SV2C: variants seen among roughly 807,000 people sequenced by gnomAD.
The protein encoded by SV2C is synaptic vesicle glycoprotein 2C, also known as solute carrier family 22 member B3.
Under a neutral mutation model 79.7 loss-of-function variants are expected in SV2C, and 49 were observed. The observed-to-expected ratio is 0.61, with a 90% CI of 0.49 to 0.78. SV2C has a LOEUF of 0.78. Among genes scored for constraint, SV2C ranks in the 30% least tolerant of loss-of-function variants. The pLI, the probability that SV2C is intolerant of heterozygous loss-of-function variation, is 0.00. For missense variants in SV2C, 833 were observed against 912.9 expected, an observed-to-expected ratio of 0.91 and a Z score of 1.13; for synonymous variants, 334 against 333.2, an observed-to-expected ratio of 1.00 and a Z score of -0.03.
At chr5:76,092,040 TTAAAAATA>T (rs976061973) in intron 1 of SV2C, among the ~76,000 whole-genome samples, 22 of 152,182 alleles carry the variant, frequency 1.4e-4, no homozygotes, top group African/African-American at 5.3e-4. Flanking sequence ...ATGTTGTTAG[TTAAAAATA>T]TAGCAATTTA....
intron 6 of SV2C, among the ~76,000 whole-genome samples, chr5:76,286,090 T>C (rs1250683480): frequency 1.3e-5 from 2 of 152,180 alleles, no homozygotes; most frequent in Admixed American, 6.5e-5. Context: ...CAGAGGGCTG[T>C]TTTTGGCCCA....
chr5:76,261,204 A>G (rs777099046), intron 4 of SV2C, among the ~76,000 whole-genome samples: 2 of 152,026 alleles, frequency 1.3e-5, no homozygotes, highest in Non-Finnish European at 2.9e-5. Flanking sequence ...CTTTGTAGCA[A>G]TTGTGAATGG....
chr5:76,146,342 C>A (rs900846528), intron 2 of SV2C, among the ~76,000 whole-genome samples: 1 of 152,134 alleles, frequency 6.6e-6, no homozygotes, highest in African/African-American at 2.4e-5. Context: ...GGACCAGCCC[C>A]GAGGGCTGCT....
At chr5:76,165,860 G>C (rs1743029576) in intron 2 of SV2C, among the ~76,000 whole-genome samples, 1 of 152,180 alleles carries the variant, frequency 6.6e-6, no homozygotes, top group Admixed American at 6.5e-5. Flanking sequence ...GCAGTACAGA[G>C]CAGAGTGGAA....
chr5:75,864,313 C>CATCA, the SV2C span, among the ~76,000 whole-genome samples: 1 of 82,314 alleles, frequency 1.2e-5, no homozygotes, highest in Non-Finnish European at 2.3e-5. Context: ...AGTGCCACTC[C>CATCA]ATCCATCCAT....
chr5:76,278,947 G>T (rs1396972225), intron 4 of SV2C, among the ~76,000 whole-genome samples: 1 of 152,210 alleles, frequency 6.6e-6, no homozygotes, highest in African/African-American at 2.4e-5. Flanking sequence ...TCAGGGGAAG[G>T]TCCACGTCGG....
At chr5:76,034,766 A>G in the SV2C span, among the ~76,000 whole-genome samples, 1,226 of 152,310 alleles carry the variant, frequency 8.0e-3, 24 homozygotes, top group African/African-American at 0.028. Context: ...GGCCTCATCA[A>G]ATGAGTTAAG....
At chr5:76,034,876 T>G in the SV2C span, among the ~76,000 whole-genome samples, 1 of 152,338 alleles carries the variant, frequency 6.6e-6, no homozygotes, top group African/African-American at 2.4e-5. Context: ...ATCCATCTGG[T>G]CCTGGACTGT....
At chr5:76,137,416 T>C (rs904026448) in intron 2 of SV2C, among the ~76,000 whole-genome samples, 6 of 152,100 alleles carry the variant, frequency 3.9e-5, no homozygotes, top group Non-Finnish European at 8.8e-5. Context: ...AGCCAAGGCA[T>C]TGGGCAGGTA....
the SV2C span, among the ~76,000 whole-genome samples, chr5:75,880,845 TAAAG>T: frequency 1.3e-5 from 2 of 152,214 alleles, no homozygotes; most frequent in Admixed American, 1.3e-4. Flanking sequence ...TGCATTGCTA[TAAAG>T]AAATACCTGA....
chr5:76,321,494 C>T (rs1748828589), intron 12 of SV2C, among the ~76,000 whole-genome samples: 1 of 152,084 alleles, frequency 6.6e-6, no homozygotes, highest in South Asian at 2.1e-4. Context: ...AATCCCAGCA[C>T]TTTGGGAGGC....
chr5:75,939,817 C>T, the SV2C span, among the ~76,000 whole-genome samples: 1 of 152,148 alleles, frequency 6.6e-6, no homozygotes, highest in East Asian at 1.9e-4. Flanking sequence ...TTATTACAGT[C>T]CCTGTGCCTT....
intron 11 of SV2C, among the ~76,000 whole-genome samples, 187 bp from the exon 12 acceptor site, chr5:76,301,199 C>T (rs1190293024): frequency 1.3e-5 from 2 of 152,194 alleles, no homozygotes; most frequent in African/African-American, 4.8e-5. Flanking sequence ...GCATTTCATA[C>T]TTTCTGTGTT....
intron 12 of SV2C, among the ~76,000 whole-genome samples, chr5:76,321,854 T>C (rs1237660112): frequency 2.6e-5 from 4 of 152,176 alleles, no homozygotes; most frequent in Non-Finnish European, 1.5e-5. Flanking sequence ...AAGTGGGATG[T>C]GTCTTACTTA....
the SV2C span, among the ~76,000 whole-genome samples, chr5:75,858,911 T>C: frequency 6.6e-6 from 1 of 152,198 alleles, no homozygotes; most frequent in African/African-American, 2.4e-5. Context: ...AATGATCCAT[T>C]GAATTTCTGT....
the SV2C span, among the ~76,000 whole-genome samples, chr5:76,070,355 C>A: frequency 6.6e-6 from 1 of 152,150 alleles, no homozygotes; most frequent in Non-Finnish European, 1.5e-5. Flanking sequence ...TTGTCTCCTG[C>A]CCAGGCCTTG....
At chr5:76,289,724 C>G (rs993555147) in intron 6 of SV2C, among the ~76,000 whole-genome samples, 3 of 152,170 alleles carry the variant, frequency 2.0e-5, no homozygotes, top group African/African-American at 7.2e-5. Flanking sequence ...CACTATTTTC[C>G]CTCCTAACTC....
chr5:76,163,624 C>A (rs1742960790), intron 2 of SV2C, among the ~76,000 whole-genome samples: 1 of 152,120 alleles, frequency 6.6e-6, no homozygotes, highest in Non-Finnish European at 1.5e-5. Flanking sequence ...ATTAGCCCTG[C>A]AGTTCCAGCC....
intron 12 of SV2C, among the ~76,000 whole-genome samples, chr5:76,312,381 T>C (rs1461712202): frequency 6.6e-6 from 1 of 151,966 alleles, no homozygotes; most frequent in East Asian, 1.9e-4. Context: ...GCCTCCTGAG[T>C]AACTGGGATT....
Sources: gnomAD v4.1 joint callset for allele counts (sites outside exome capture counted in the v4.1 genomes callset) on GRCh38, gnomAD v4.1.1 for gene constraint, MANE v1.5 for transcripts, NCBI Gene and HGNC (gene_info 2026-07-23, HGNC 2026-07-21) for gene names.